The following MCF2 variants were observed in gnomAD, a reference collection of about 807,000 sequenced individuals.
MCF2 encodes the protein proto-oncogene DBL.
In MCF2, 44 loss-of-function variants were observed where a neutral mutation model predicts 82.5. The observed-to-expected ratio is 0.53, with a 90% CI of 0.42 to 0.69. The LOEUF (loss-of-function observed/expected upper bound fraction) is 0.69, where lower values mean the gene tolerates loss of function less well. Ranked by LOEUF, MCF2 falls within the 30% of genes least tolerant of loss-of-function variation. MCF2 has a pLI of 0.00. For missense variants in MCF2, 623 were observed against 663.1 expected (o/e 0.94, Z 0.66); for synonymous variants, 217 against 224.9 (o/e 0.96, Z 0.32).
chrX:139,658,667 G>A (rs866413463), intron 1 of MCF2, among the ~76,000 whole-genome samples: 1 of 56,615 alleles, frequency 1.8e-5, no homozygotes, highest in African/African-American at 7.8e-5. Context: ...AAAAAGATGT[G>A]TTTTTTTTTT....
chrX:139,667,862 T>C (rs752114214), intron 1 of MCF2, among the ~76,000 whole-genome samples: 1 of 112,178 alleles, frequency 8.9e-6, no homozygotes, highest in East Asian at 2.9e-4. Flanking sequence ...GCTCTAGCAG[T>C]GGTAGCATAC....
intron 12 of MCF2, among the ~76,000 whole-genome samples, chrX:139,606,972 GA>G (rs1227647701): frequency 2.7e-5 from 3 of 110,885 alleles, no homozygotes; most frequent in Admixed American, 9.6e-5. Context: ...TTAAAAAGAT[GA>G]ATATTCTTAT....
chrX:139,698,861 CTAA>C (rs1407906140), intron 1 of MCF2, among the ~76,000 whole-genome samples: 2 of 111,753 alleles, frequency 1.8e-5, no homozygotes, highest in African/African-American at 6.5e-5. Flanking sequence ...GCTGTTACTA[CTAA>C]TAATTACAAA....
chrX:139,699,093 A>G (rs1935436662), intron 1 of MCF2, among the ~76,000 whole-genome samples: 1 of 111,778 alleles, frequency 8.9e-6, no homozygotes, highest in Non-Finnish European at 1.9e-5. Flanking sequence ...GGCTGACTCT[A>G]ATCCTAGCAT....
chrX:139,600,927 A>C (rs1481921895), intron 16 of MCF2, among the ~76,000 whole-genome samples: 1 of 111,925 alleles, frequency 8.9e-6, no homozygotes, highest in African/African-American at 3.2e-5. Flanking sequence ...CCATTTTTAA[A>C]AGAAAAATCT....
chrX:139,606,016 C>CATAT (rs71534302), intron 12 of MCF2, among the ~76,000 whole-genome samples: 35,440 of 96,433 alleles, frequency 0.37, 6,225 homozygotes, highest in Middle Eastern at 0.5. Flanking sequence ...ATATATATAA[C>CATAT]ATATATATAT....
intron 10 of MCF2, among the ~76,000 whole-genome samples, chrX:139,612,093 A>G (rs888991851): frequency 4.5e-5 from 5 of 110,316 alleles, no homozygotes; most frequent in African/African-American, 1.6e-4. Context: ...GGATGAAAAA[A>G]AAAAGTGAAT....
chrX:139,642,746 G>T, exon 1 of MCF2: 1 of 1,053,288 alleles, frequency 9.5e-7, no homozygotes, highest in South Asian at 2.4e-5. Flanking sequence ...TCTGCTCCTT[G>T]TAATTCAGAG....
In MCF2 at chrX:139,679,557, T is replaced by C. The variant is rs186432876; in HGVS notation, c.-44-27769A>G. Among the ~76,000 whole-genome samples the C allele has an allele frequency of 2.7e-5, 3 of 110,756 alleles. No homozygotes were observed. The East Asian group carries it at 8.6e-4, about 32-fold the overall frequency. On this transcript the variant is annotated intron_variant, in intron 1 of 27. Transcript: ENST00000414978. ...ATAGATACAGAAACCAGTTAGACACTGGTCTGGATCTCCTGGGACTCTACA... is the reference window on the plus strand; with the variant it reads ...ATAGATACAGAAACCAGTTAGACACCGGTCTGGATCTCCTGGGACTCTACA...
At chrX:139,604,732 C>G (rs781650974) in exon 15 of MCF2, 2 of 1,195,860 alleles carry the variant, frequency 1.7e-6, no homozygotes, top group Non-Finnish European at 2.3e-6. Flanking sequence ...CACAATTTTC[C>G]AGGCTGCTCA....
At chrX:139,594,858 A>G (rs1477895935) in intron 19 of MCF2, among the ~76,000 whole-genome samples, 1 of 111,620 alleles carries the variant, frequency 9.0e-6, no homozygotes, top group Non-Finnish European at 1.9e-5. Flanking sequence ...AGAATCTACA[A>G]TGAATTCAAA....
Position 139,597,594 on chromosome X carries a change from A to T in MCF2, c.1930-9T>A, listed in dbSNP as rs1476491615. On this transcript the variant is annotated splice_polypyrimidine_tract_variant and intron_variant, in intron 17 of 24. Transcript: ENST00000370576. ...CTATATTTTAATAGCTCCTGTAATTAGAAATCAGGAATTAATATTAGGCAG... is the reference window on the plus strand; with the variant it reads ...CTATATTTTAATAGCTCCTGTAATTTGAAATCAGGAATTAATATTAGGCAG... The T allele has an allele frequency of 8.8e-7, 1 of 1,132,820 alleles. No individual in the cohort carries two copies. Among genetic ancestry groups the T allele is most frequent in the Non-Finnish European group, 1.2e-6 (1 of 844,651 alleles). The allele number at this position is 1,132,820 out of a possible 1,213,427, so 93.4% of individuals were successfully genotyped here. A position where few individuals can be genotyped will look rare whatever the true frequency, so the allele number is the denominator to read the frequency against.
chrX:139,587,676 A>G, intron 22 of MCF2, 40 bp downstream of exon 26: 2 of 892,510 alleles, frequency 2.2e-6, no homozygotes, highest in Non-Finnish European at 3.3e-6. Context: ...AGAAAACAAA[A>G]GATTGCAGGA....
chrX:139,655,914 C>T (rs1393464495), intron 1 of MCF2, among the ~76,000 whole-genome samples: 1 of 112,050 alleles, frequency 8.9e-6, no homozygotes, highest in Non-Finnish European at 1.9e-5. Flanking sequence ...ATAAAAGTGG[C>T]AAAAGTGGGC....
At chrX:139,658,789 C>T (rs1934274075) in intron 1 of MCF2, among the ~76,000 whole-genome samples, 1 of 105,486 alleles carries the variant, frequency 9.5e-6, no homozygotes, top group Non-Finnish European at 1.9e-5. Context: ...CATGCTCCAA[C>T]CTCAGCCTCC....
At chrX:139,621,816 T>C (rs1171223424) in intron 6 of MCF2, among the ~76,000 whole-genome samples, 1 of 111,399 alleles carries the variant, frequency 9.0e-6, no homozygotes, top group Non-Finnish European at 1.9e-5. Flanking sequence ...GACATAGGCA[T>C]GGGCAAGGAC....
At chrX:139,621,408 G>C (rs1163433177) in intron 6 of MCF2, among the ~76,000 whole-genome samples, 3 of 111,797 alleles carry the variant, frequency 2.7e-5, no homozygotes, top group African/African-American at 6.5e-5. Context: ...AGAGTAAACA[G>C]ACAACCTACA....
chrX:139,600,057 T>A (rs1427362030), intron 16 of MCF2, among the ~76,000 whole-genome samples: 4 of 111,292 alleles, frequency 3.6e-5, no homozygotes, highest in African/African-American at 1.3e-4. Flanking sequence ...AAGAAAGAAG[T>A]CAAACACAAA....
At chrX:139,604,266 T>C (rs1930795986) in intron 15 of MCF2, among the ~76,000 whole-genome samples, 1 of 110,274 alleles carries the variant, frequency 9.1e-6, no homozygotes, top group Admixed American at 9.7e-5. Context: ...ATTCTAAAAC[T>C]TTACATGTAT....
Sources: allele counts gnomAD v4.1 joint callset (sites outside exome capture counted in the v4.1 genomes callset), GRCh38; gene constraint gnomAD v4.1.1; transcripts MANE v1.5; gene names NCBI Gene and HGNC (gene_info 2026-07-23, HGNC 2026-07-21).